The following GRM3 variants were observed in gnomAD, a reference collection of about 807,000 sequenced individuals.
GRM3 encodes metabotropic glutamate receptor 3.
Under a neutral mutation model 70.5 loss-of-function variants are expected in GRM3, and 26 were observed. The observed-to-expected ratio is 0.37, with a 90% confidence interval of 0.27 to 0.51. GRM3 has a LOEUF of 0.51. GRM3 is among the 20% of genes least tolerant of loss of function. The pLI, the probability that GRM3 is intolerant of heterozygous loss-of-function variation, is 0.93. For synonymous variants in GRM3, 443 were observed against 434.9 expected (o/e 1.02, Z -0.23); for missense variants, 859 against 1,123.8 (o/e 0.76, Z 3.37).
chr7:86,663,584 A>G (rs1183036062), intron 1 of GRM3, among the ~76,000 whole-genome samples: 1 of 152,052 alleles, frequency 6.6e-6, no homozygotes, highest in Non-Finnish European at 1.5e-5. Flanking sequence ...AGAATTTATA[A>G]ATATTTATTA....
At chr7:86,838,251 T>C (rs955764557) in intron 3 of GRM3, among the ~76,000 whole-genome samples, 1 of 152,218 alleles carries the variant, frequency 6.6e-6, no homozygotes, top group South Asian at 2.1e-4. Flanking sequence ...TTAAATTTAA[T>C]ATCCAAAATA....
At chr7:86,803,774 T>C (rs1797732132) in intron 3 of GRM3, among the ~76,000 whole-genome samples, 1 of 152,100 alleles carries the variant, frequency 6.6e-6, no homozygotes, top group Non-Finnish European at 1.5e-5. Flanking sequence ...GTTTGTTTGT[T>C]TGTTTTTCCC....
At chr7:86,726,261 G>A (rs1358838623) in intron 1 of GRM3, among the ~76,000 whole-genome samples, 2 of 152,124 alleles carry the variant, frequency 1.3e-5, no homozygotes, top group Non-Finnish European at 2.9e-5. Context: ...CCCAAAGTGT[G>A]GGCAGAGGCC....
At chr7:86,647,031 AATTG>A (rs1554342762) in intron 1 of GRM3, among the ~76,000 whole-genome samples, 4 of 152,202 alleles carry the variant, frequency 2.6e-5, no homozygotes, top group African/African-American at 7.2e-5. Flanking sequence ...AATATAACGA[AATTG>A]ATTGAGCTTT....
At chr7:86,853,587 G>A (rs1255002173) in intron 5 of GRM3, among the ~76,000 whole-genome samples, 2 of 152,112 alleles carry the variant, frequency 1.3e-5, no homozygotes, top group African/African-American at 2.4e-5. Context: ...TGAGTATAAT[G>A]TTAGCACTTT....
At chr7:86,758,715 T>C (rs1312201943) in intron 1 of GRM3, among the ~76,000 whole-genome samples, 4 of 152,142 alleles carry the variant, frequency 2.6e-5, no homozygotes, top group Non-Finnish European at 4.4e-5. Flanking sequence ...CCTCATAAAA[T>C]CATTTTCCTC....
chr7:86,714,362 A>G (rs1435160932), intron 1 of GRM3, among the ~76,000 whole-genome samples: 1 of 151,986 alleles, frequency 6.6e-6, no homozygotes, highest in Non-Finnish European at 1.5e-5. Context: ...AGCTCAAATA[A>G]TAGTAATAAT....
At chr7:86,825,031 G>C (rs1391296591) in intron 3 of GRM3, among the ~76,000 whole-genome samples, 2 of 152,138 alleles carry the variant, frequency 1.3e-5, no homozygotes, top group South Asian at 2.1e-4. Context: ...TTTCAGGTTA[G>C]TTCAAAATAG....
Position 86,786,011 on chromosome 7 carries a change from G to A in GRM3, c.469-250G>A. The stretch of plus-strand genomic sequence containing the variant: ...CACAGAGTATAGAAGAGAGTGTGGT[G>A]CCCTTCTCATTTCTCTACTCTGCCC... On this transcript the variant is annotated intron_variant, in intron 2 of 5. Coordinates refer to ENST00000361669, the MANE Select transcript of GRM3 (RefSeq NM_000840.3). The surrounding 1 kb of genome is among the most constrained non-coding windows in gnomAD (Gnocchi z 6.0). 2.1e-6 allele frequency: 1 copy of A among 465,168 alleles called. No individual in the cohort carries two copies. The highest frequency in any genetic ancestry group is 4.2e-5 in the East Asian group (1 of 23,648). 28.8% of individuals were successfully genotyped at this position (465,168 alleles called of 1,614,324 possible).
At chr7:86,780,322 T>C (rs1797014435) in intron 2 of GRM3, among the ~76,000 whole-genome samples, 1 of 152,222 alleles carries the variant, frequency 6.6e-6, no homozygotes, top group South Asian at 2.1e-4. Context: ...TGTGCAAATG[T>C]ACCCTAAAAC....
rs138025043 is a variant in GRM3, at chr7:86,839,251, C to A, written c.1737C>A (p.Gly579=). 6.2e-7 allele frequency: 1 copy of A among 1,613,798 alleles called. No individual in the cohort carries two copies. The highest frequency in any genetic ancestry group is 1.3e-5 in the African/African-American group (1 of 74,924). ...GGTGGGAAGACGCCTGGGCCATTGG[C>A]CCAGTCACCATTGCCTGTCTGGGTT... ...YIRWEDAWAI[G]PVTIACLGFM... is the part of the protein sequence containing the mutation. Residue 579 remains glycine (G), a synonymous_variant, in exon 4 of 6, where the codon GGC becomes GGA. Transcript: ENST00000361669. This position sits in a 1 kb window ranked among gnomAD's most constrained non-coding sequence, Gnocchi z 4.5.
intron 1 of GRM3, among the ~76,000 whole-genome samples, chr7:86,686,204 T>C (rs1261417373): frequency 2.0e-5 from 3 of 152,136 alleles, no homozygotes; most frequent in Non-Finnish European, 2.9e-5. Flanking sequence ...GGAAGACATA[T>C]GCTTTCAGTG....
chr7:86,824,679 T>G (rs1018320771), intron 3 of GRM3, among the ~76,000 whole-genome samples: 1 of 152,204 alleles, frequency 6.6e-6, no homozygotes, highest in African/African-American at 2.4e-5. Context: ...ACTACTAACT[T>G]TCTCCATCTA....
At chr7:86,730,382 T>G (rs1431208873) in intron 1 of GRM3, among the ~76,000 whole-genome samples, 1 of 152,224 alleles carries the variant, frequency 6.6e-6, no homozygotes, top group Non-Finnish European at 1.5e-5. Context: ...ATCGTGCCAT[T>G]GCACTCCAGC....
chr7:86,712,922 A>G (rs1037515016), intron 1 of GRM3, among the ~76,000 whole-genome samples: 1 of 152,102 alleles, frequency 6.6e-6, no homozygotes, highest in Non-Finnish European at 1.5e-5. Flanking sequence ...TATTGTGAAT[A>G]GTGCTGCAAT....
intron 2 of GRM3, among the ~76,000 whole-genome samples, chr7:86,774,548 G>A (rs1218428347): frequency 1.3e-5 from 2 of 152,012 alleles, no homozygotes; most frequent in Admixed American, 6.6e-5. Flanking sequence ...AAAGCGAACT[G>A]CAATACAGGG....
chr7:86,787,148 A>T lies in GRM3; in HGVS notation c.1324+32A>T, dbSNP rs780432523. The T allele has an allele frequency of 2.6e-6, 4 of 1,542,318 alleles. No homozygotes were observed. The South Asian group carries it at 4.7e-5, about 18-fold the overall frequency. On this transcript the variant is annotated intron_variant, in intron 3 of 5. Transcript: ENST00000361669. Reference sequence around the variant, plus strand: ...CAAGAGCCTTTAAACATCTTCTCAGATGCAAACAAGTGAAATAAAATAGGA... The same window carrying T: ...CAAGAGCCTTTAAACATCTTCTCAGTTGCAAACAAGTGAAATAAAATAGGA...
rs763615761 is a variant in GRM3, at chr7:86,839,204, G to C, written c.1690G>C (p.Asp564His). The stretch of plus-strand genomic sequence containing the variant: ...CACTGCAGACCTAACTGGATGCTAT[G>C]ACCTTCCTGAGGACTACATCAGGTG... ...WPTADLTGCY[D>H]LPEDYIRWED... Residue 564 changes from aspartate (D) to histidine (H), a missense_variant, in exon 4 of 6, where the codon GAC becomes CAC. By Grantham distance (81) the Asp-to-His change is moderately conservative. Coordinates refer to ENST00000361669, the MANE Select transcript of GRM3 (RefSeq NM_000840.3). The surrounding 1 kb of genome is among the most constrained non-coding windows in gnomAD (Gnocchi z 4.5). 4 of 1,613,768 alleles carry C rather than the reference G, an allele frequency of 2.5e-6. No homozygotes were observed. The highest frequency in any genetic ancestry group is 3.4e-6 in the Non-Finnish European group (4 of 1,179,650).
chr7:86,649,365 A>G (rs773702291), intron 1 of GRM3, among the ~76,000 whole-genome samples: 7 of 152,170 alleles, frequency 4.6e-5, no homozygotes, highest in Non-Finnish European at 7.4e-5. Context: ...TCTTCATCAT[A>G]TTGAACAATC....
Sources: gnomAD v4.1 joint callset for allele counts (sites outside exome capture counted in the v4.1 genomes callset) on GRCh38, gnomAD v4.1.1 for gene constraint, Gnocchi (gnomAD v3.1) non-coding constraint, MANE v1.5 for transcripts, NCBI Gene and HGNC (gene_info 2026-07-23, HGNC 2026-07-21) for gene names.